The following PA2G4 variants were observed in gnomAD, a reference collection of about 807,000 sequenced individuals.
PA2G4 encodes proliferation-associated protein 2G4.
PA2G4 carries 8 observed loss-of-function variants against 53.3 expected under a neutral mutation model. The ratio of observed to expected loss-of-function variants is 0.15; its 90% confidence interval spans 0.09 to 0.27. PA2G4 has a LOEUF of 0.27. PA2G4 is among the 10% of genes least tolerant of loss of function. The probability of loss-of-function intolerance (pLI) is 1.00; values close to 1 mark genes in which losing one functional copy is unlikely to be tolerated. For missense variants in PA2G4, 208 were observed against 486.8 expected, an observed-to-expected ratio of 0.43 and a Z score of 5.39; for synonymous variants, 143 against 169.8, an observed-to-expected ratio of 0.84 and a Z score of 1.23.
chr12:56,111,021 A>G lies in PA2G4; in HGVS notation c.900A>G (p.Glu300=), dbSNP rs559869136. ...GTGTGGTGGAGTGCGCCAAACATGA[A>G]CTGCTGCAACCATTTAATGTTCTCT... ...RMGVVECAKH[E]LLQPFNVLYE... Residue 300 remains glutamate (E), a synonymous_variant, in exon 10 of 13, where the codon GAA becomes GAG. Transcript: ENST00000303305. 4.0e-5 allele frequency: 64 copies of G among 1,613,842 alleles called. 1 individual carries two copies. In the South Asian group the frequency reaches 6.7e-4, roughly 17 times the overall value.
At chr12:56,111,562 G>A (rs377082779) in intron 12 of PA2G4, 33 bp downstream of exon 12, 6 of 1,588,164 alleles carry the variant, frequency 3.8e-6, no homozygotes, top group African/African-American at 1.3e-5. Flanking sequence ...TCTCTGGCAG[G>A]GTGAACCTGA....
chr12:56,106,457 A>T (rs1869303475), intron 1 of PA2G4, 131 bp from the exon 2 acceptor site: 2 of 990,208 alleles, frequency 2.0e-6, no homozygotes, highest in Non-Finnish European at 2.8e-6. Flanking sequence ...GGGAATGTTG[A>T]CCTTTCAGCC....
intron 2 of PA2G4, 117 bp from the exon 3 acceptor site, chr12:56,106,873 C>G: frequency 4.8e-6 from 6 of 1,259,170 alleles, no homozygotes; most frequent in South Asian, 1.4e-5. Context: ...AGTTTCCTAC[C>G]TAATCCAAAC....
In PA2G4 at chr12:56,107,184, C is replaced by T; in HGVS notation, c.324-3C>T. The T allele has an allele frequency of 6.2e-7, 1 of 1,613,340 alleles. No homozygotes were observed. Among genetic ancestry groups the T allele is most frequent in the Non-Finnish European group, 8.5e-7 (1 of 1,179,268 alleles). On this transcript the variant is annotated splice_region_variant and splice_polypyrimidine_tract_variant and intron_variant, in intron 3 of 12. Transcript: ENST00000303305. ...AATGCAGTACTCTGATCTTGCCTTTCAGTGACCTTGGGGTCCATGTGGATG... is the reference window on the plus strand; with the variant it reads ...AATGCAGTACTCTGATCTTGCCTTTTAGTGACCTTGGGGTCCATGTGGATG...
chr12:56,104,708 A>G lies in PA2G4; in HGVS notation c.-30A>G, dbSNP rs1427277349. On this transcript the variant is annotated 5_prime_UTR_variant, in exon 1 of 13. Coordinates refer to ENST00000303305, the MANE Select transcript of PA2G4 (RefSeq NM_006191.3). ...GACAGAGGCGGCGGCGGCTCAGGGGAAACGAGGCTGCAGTGGTGGTAGTAG... is the reference window on the plus strand; with the variant it reads ...GACAGAGGCGGCGGCGGCTCAGGGGGAACGAGGCTGCAGTGGTGGTAGTAG... 8 of 1,601,314 alleles carry G rather than the reference A, an allele frequency of 5.0e-6. No homozygotes were observed.
In PA2G4 at chr12:56,113,098, G is replaced by A. The variant is rs1869465646; in HGVS notation, c.*210G>A. The A allele has an allele frequency of 4.3e-5, 19 of 441,144 alleles. No homozygotes were observed. The highest frequency in any genetic ancestry group is 5.7e-4 in the Middle Eastern group (1 of 1,764). 27.3% of individuals were successfully genotyped at this position (441,144 alleles called of 1,614,324 possible). A position where few individuals can be genotyped will look rare whatever the true frequency, so the allele number is the denominator to read the frequency against. ...TTGGGAGGTGAGGCTTCCCAACCAC[G>A]GAAGACTACTTTAAATGAAAAAAAG... On this transcript the variant is annotated 3_prime_UTR_variant, in exon 13 of 13. Coordinates refer to ENST00000303305, the MANE Select transcript of PA2G4 (RefSeq NM_006191.3).
intron 6 of PA2G4, 43 bp from the exon 7 acceptor site, chr12:56,109,814 G>A (rs754474673): frequency 6.9e-7 from 1 of 1,446,420 alleles, no homozygotes; most frequent in East Asian, 2.3e-5. Flanking sequence ...AAACCTTTTG[G>A]GATACTGGAT....
rs184184111 is a variant in PA2G4, at chr12:56,110,020, G to A, written c.629+85G>A. 1,520 of 931,112 alleles carry A rather than the reference G, an allele frequency of 1.6e-3. 29 individuals carry two copies. In the Admixed American group the frequency reaches 0.026, roughly 16 times the overall value. The allele number at this position is 931,112 out of a possible 1,614,324, so 57.7% of individuals were successfully genotyped here. On this transcript the variant is annotated intron_variant, in intron 7 of 12. Transcript: ENST00000303305. Reference sequence around the variant, plus strand: ...CTATACTCCCAACTGAATCTTGTCCGCCCTCTACTCCATGTTTTCAGGAGT... The same window carrying A: ...CTATACTCCCAACTGAATCTTGTCCACCCTCTACTCCATGTTTTCAGGAGT...
In PA2G4 at chr12:56,110,483, G is replaced by A; in HGVS notation, c.708+6G>A. The A allele has an allele frequency of 6.2e-7, 1 of 1,613,280 alleles. No homozygotes were observed. Reference sequence around the variant, plus strand: ...TCAGCTCAGGAGAGGGCAAGGTGAGGAGAGTACCAGAGTTGGCAAAGAGGG... The same window carrying A: ...TCAGCTCAGGAGAGGGCAAGGTGAGAAGAGTACCAGAGTTGGCAAAGAGGG... On this transcript the variant is annotated splice_donor_region_variant and intron_variant, in intron 8 of 12. Transcript: ENST00000303305.
chr12:56,110,408 T>C lies in PA2G4; in HGVS notation c.639T>C (p.His213=), dbSNP rs1869396221. The part of the protein sequence containing the change: ...QNPTDQQKKD[H]EKAEFEVHEV... ...TCTCTATTCCTTTTAGGAAGGACCA[T>C]GAAAAAGCTGAATTTGAGGTACATG... The change falls in exon 8 of 13, where the codon CAT becomes CAC. Residue 213 remains histidine (H), a synonymous_variant. Coordinates refer to ENST00000303305, the MANE Select transcript of PA2G4 (RefSeq NM_006191.3). 4 of 1,601,280 alleles carry C rather than the reference T, an allele frequency of 2.5e-6. No individual in the cohort carries two copies. Among genetic ancestry groups the C allele is most frequent in the African/African-American group, 1.3e-5 (1 of 74,446 alleles).
chr12:56,108,509 A>T (rs1221590431), intron 5 of PA2G4, among the ~76,000 whole-genome samples: 1 of 152,244 alleles, frequency 6.6e-6, no homozygotes, highest in Non-Finnish European at 1.5e-5. Context: ...TTCATTTTCC[A>T]TATAGTATTT....
rs762024400 is a variant in PA2G4, at chr12:56,106,971, G to A, written c.218-19G>A. 2 of 1,585,352 alleles carry A rather than the reference G, an allele frequency of 1.3e-6. No individual in the cohort carries two copies. Among genetic ancestry groups the A allele is most frequent in the Non-Finnish European group, 1.7e-6 (2 of 1,155,210 alleles). ...CCGGGAGACAGCAAGGCAGTAGGCT[G>A]ATGATTCTTTCTTTACAGGTATTGC... is the stretch of plus-strand genomic sequence containing the variant. On this transcript the variant is annotated intron_variant, in intron 2 of 12. Transcript: ENST00000303305.
chr12:56,112,801 C>T, intron 12 of PA2G4, 22 bp from the exon 13 acceptor site: 1 of 1,531,656 alleles, frequency 6.5e-7, no homozygotes, highest in East Asian at 2.4e-5. Context: ...AGGTCTTCTC[C>T]CTCTCCTTTT....
chr12:56,112,692 A>T, intron 12 of PA2G4, 131 bp from the exon 13 acceptor site: 1 of 645,570 alleles, frequency 1.5e-6, no homozygotes, highest in South Asian at 1.8e-5. Flanking sequence ...GGGAAGTGGT[A>T]CCACTGCACT....
At chr12:56,107,709 A>T in intron 5 of PA2G4, 96 bp downstream of exon 5, 1 of 750,564 alleles carries the variant, frequency 1.3e-6, no homozygotes, top group South Asian at 1.5e-5. Context: ...TCCCCTACAG[A>T]CCCCTTATAA....
rs752601991 is a variant in PA2G4, at chr12:56,111,544, A to C, written c.1119+15A>C. On this transcript the variant is annotated intron_variant, in intron 12 of 12. Transcript: ENST00000303305. ...AAAAAAAGAAGGTGTGTTATTAACG[A>C]TCATTCCTCTCTGGCAGGGTGAACC... is the stretch of plus-strand genomic sequence containing the variant. 5 of 1,610,402 alleles carry C rather than the reference A, an allele frequency of 3.1e-6. No homozygotes were observed. Among genetic ancestry groups the C allele is most frequent in the Non-Finnish European group, 3.4e-6 (4 of 1,177,962 alleles).
intron 1 of PA2G4, 40 bp downstream of exon 1, chr12:56,104,865 G>T: frequency 6.5e-7 from 1 of 1,544,536 alleles, no homozygotes; most frequent in Non-Finnish European, 8.9e-7. Context: ...AAGGCTGATA[G>T]GGAAAGGTAA....
At position 56,111,313 on chromosome 12, in the gene PA2G4, A is replaced by G. The variant is rs924512106; in HGVS notation, c.1065+4A>G. 17 of 1,614,178 alleles carry G rather than the reference A, an allele frequency of 1.1e-5. 1 individual carries two copies. Among genetic ancestry groups the G allele is most frequent in the Non-Finnish European group, 1.4e-5 (17 of 1,180,020 alleles). On this transcript the variant is annotated splice_donor_region_variant and intron_variant, in intron 11 of 12. Coordinates refer to ENST00000303305, the MANE Select transcript of PA2G4 (RefSeq NM_006191.3). ...GGTCCAGGATGCAGAGCTAAAGGTT[A>G]GTATGGAATAGAAGGTGGTGAGTAT...
intron 5 of PA2G4, among the ~76,000 whole-genome samples, chr12:56,108,034 A>AAAAGGAAAAGG (rs1221927130): frequency 2.0e-5 from 3 of 152,166 alleles, no homozygotes; most frequent in African/African-American, 7.2e-5. Context: ...CTCACAAAAG[A>AAAAGGAAAAGG]AAAAGGAAAA....
Sources: allele counts gnomAD v4.1 joint callset (sites outside exome capture counted in the v4.1 genomes callset), GRCh38; gene constraint gnomAD v4.1.1; transcripts MANE v1.5; gene names NCBI Gene and HGNC (gene_info 2026-07-23, HGNC 2026-07-21).